The following ROBO1 variants were observed in gnomAD, a reference collection of about 807,000 sequenced individuals.
ROBO1 encodes roundabout guidance receptor 1, also known as roundabout homolog 1.
ROBO1 carries 149 observed loss-of-function variants against 195.9 expected under a neutral mutation model. That is an observed-to-expected ratio of 0.76 (90% CI 0.67 to 0.87). The LOEUF is 0.87. Ranked by LOEUF, ROBO1 falls within the 40% of genes least tolerant of loss-of-function variation. The probability of loss-of-function intolerance (pLI) is 0.00; values close to 1 mark genes in which losing one functional copy is unlikely to be tolerated. For missense variants in ROBO1, 1,933 were observed against 2,068.3 expected, an observed-to-expected ratio of 0.93 and a Z score of 1.27; for synonymous variants, 816 against 733.2, an observed-to-expected ratio of 1.11 and a Z score of -1.82.
intron 1 of ROBO1, among the ~76,000 whole-genome samples, chr3:79,657,453 T>C (rs1946201587): frequency 6.6e-6 from 1 of 151,940 alleles, no homozygotes; most frequent in South Asian, 2.1e-4. Flanking sequence ...ATAAAACACA[T>C]GAATATATTT....
intron 4 of ROBO1, among the ~76,000 whole-genome samples, chr3:78,751,905 T>C (rs1480627001): frequency 1.3e-5 from 2 of 152,010 alleles, no homozygotes; most frequent in South Asian, 2.1e-4. Context: ...TTGGGAAAAA[T>C]AGGGGAAGAT....
At chr3:79,256,800 C>T (rs1248882480) in intron 2 of ROBO1, among the ~76,000 whole-genome samples, 3 of 152,018 alleles carry the variant, frequency 2.0e-5, no homozygotes, top group Non-Finnish European at 4.4e-5. Flanking sequence ...ATAGATATGT[C>T]CTATTTTTAA....
At chr3:78,627,225 G>A (rs1704855643) in intron 26 of ROBO1, 96 bp downstream of exon 26, 1 of 1,375,014 alleles carries the variant, frequency 7.3e-7, no homozygotes, top group Non-Finnish European at 9.9e-7. Context: ...AGGCTTATGA[G>A]ACAAGAAAAT....
At chr3:79,304,831 C>T (rs1249245578) in intron 2 of ROBO1, among the ~76,000 whole-genome samples, 1 of 152,160 alleles carries the variant, frequency 6.6e-6, no homozygotes, top group Non-Finnish European at 1.5e-5. Flanking sequence ...TTTCTGTGTA[C>T]ATTTGTAAAC....
At chr3:78,809,704 G>A (rs1187947582) in intron 4 of ROBO1, among the ~76,000 whole-genome samples, 3 of 152,162 alleles carry the variant, frequency 2.0e-5, no homozygotes, top group Non-Finnish European at 4.4e-5. Context: ...CATGGATGAA[G>A]CTGGAAACCA....
chr3:78,757,733 C>G (rs2082975611), intron 4 of ROBO1, among the ~76,000 whole-genome samples: 1 of 152,058 alleles, frequency 6.6e-6, no homozygotes, highest in Admixed American at 6.5e-5. Context: ...TTATAACATC[C>G]CCTCCCCACA....
intron 4 of ROBO1, among the ~76,000 whole-genome samples, chr3:78,880,033 T>C (rs1159721010): frequency 1.3e-5 from 2 of 152,162 alleles, no homozygotes; most frequent in Admixed American, 1.3e-4. Context: ...ATATGTAAAA[T>C]AGAACCTGTA....
At chr3:78,752,849 T>C (rs2082831824) in intron 4 of ROBO1, among the ~76,000 whole-genome samples, 1 of 152,168 alleles carries the variant, frequency 6.6e-6, no homozygotes. Flanking sequence ...TGACACTGAA[T>C]ATATCTAGGA....
intron 2 of ROBO1, among the ~76,000 whole-genome samples, chr3:79,142,110 A>G (rs2080540269): frequency 6.6e-6 from 1 of 152,178 alleles, no homozygotes; most frequent in Admixed American, 6.6e-5. Context: ...AACTTAAGAA[A>G]ATAAAATAGC....
At chr3:78,963,505 T>G (rs1461512917) in intron 3 of ROBO1, among the ~76,000 whole-genome samples, 4,487 of 120,342 alleles carry the variant, frequency 0.037, 65 homozygotes, top group Non-Finnish European at 0.061. Flanking sequence ...TTTTTTTTTT[T>G]TTTTTTTTTT....
intron 1 of ROBO1, among the ~76,000 whole-genome samples, chr3:79,592,788 T>G (rs1560021659): frequency 1.3e-5 from 2 of 152,086 alleles, no homozygotes; most frequent in Non-Finnish European, 1.5e-5. Context: ...ACTCTTGGTG[T>G]TGTGCATTTT....
At chr3:79,365,896 CAA>C (rs5850423) in intron 2 of ROBO1, among the ~76,000 whole-genome samples, 20 of 126,428 alleles carry the variant, frequency 1.6e-4, no homozygotes, top group South Asian at 2.6e-4. Flanking sequence ...GACTCCGTCT[CAA>C]AAAAAAAAAA....
At chr3:79,531,447 C>G (rs2107612467) in intron 2 of ROBO1, among the ~76,000 whole-genome samples, 1 of 152,154 alleles carries the variant, frequency 6.6e-6, no homozygotes, top group Non-Finnish European at 1.5e-5. Context: ...CATGTCAAAA[C>G]CCCATCTCTA....
intron 1 of ROBO1, among the ~76,000 whole-genome samples, chr3:79,648,660 A>C (rs1344550108): frequency 6.6e-6 from 1 of 152,124 alleles, no homozygotes; most frequent in Non-Finnish European, 1.5e-5. Flanking sequence ...TAATATTCAG[A>C]GTAAATGGCT....
At chr3:78,635,276 G>GT (rs1705427182) in intron 23 of ROBO1, among the ~76,000 whole-genome samples, 1 of 152,154 alleles carries the variant, frequency 6.6e-6, no homozygotes, top group Non-Finnish European at 1.5e-5. Context: ...CACTGTAGCA[G>GT]TCTTAATAAC....
intron 18 of ROBO1, among the ~76,000 whole-genome samples, chr3:78,653,272 CT>C (rs897409845): frequency 3.3e-5 from 5 of 152,066 alleles, no homozygotes; most frequent in African/African-American, 1.2e-4. Context: ...AGACATCTGC[CT>C]TACATGACTG....
rs933141371 is a variant in ROBO1 at position 78,615,188 on chromosome 3, G to T, written c.4283-388C>A. On this transcript the variant is annotated intron_variant, in intron 27 of 30. Transcript: ENST00000464233. Reference sequence around the variant, plus strand: ...GCCAATGTTTGTTGCTTTTTCAAAAGAAGAGCTAAAGTTCTTAAGAAATTC... The same window carrying T: ...GCCAATGTTTGTTGCTTTTTCAAAATAAGAGCTAAAGTTCTTAAGAAATTC... Among the ~76,000 whole-genome samples, 3 of 152,138 alleles carry T rather than the reference G, an allele frequency of 2.0e-5. No individual in the cohort carries two copies. The South Asian group carries it at 6.2e-4, about 31-fold the overall frequency.
At chr3:78,695,176 A>T (rs529845183) in intron 8 of ROBO1, among the ~76,000 whole-genome samples, 129 of 151,828 alleles carry the variant, frequency 8.5e-4, no homozygotes, top group Middle Eastern at 3.4e-3. Flanking sequence ...GTAAATGACG[A>T]GTTAATGGGT....
chr3:78,906,407 C>T (rs1233360702), intron 4 of ROBO1, among the ~76,000 whole-genome samples: 2 of 152,202 alleles, frequency 1.3e-5, no homozygotes, highest in Admixed American at 6.6e-5. Context: ...ACTGACTTGG[C>T]CTTTATGATG....
Sources: gnomAD v4.1 joint callset for allele counts (sites outside exome capture counted in the v4.1 genomes callset) on GRCh38, gnomAD v4.1.1 for gene constraint, MANE v1.5 for transcripts, NCBI Gene and HGNC (gene_info 2026-07-23, HGNC 2026-07-21) for gene names.